PRH1: variants seen among roughly 807,000 people sequenced by gnomAD.
PRH1 encodes the protein salivary acidic proline-rich phosphoprotein 1/2.
Under a neutral mutation model 7.9 loss-of-function variants are expected in PRH1, and 7 were observed. The ratio of observed to expected loss-of-function variants is 0.89; its 90% CI spans 0.50 to 1.67. The LOEUF (loss-of-function observed/expected upper bound fraction) is 1.67, where lower values mean the gene tolerates loss of function less well. PRH1 is among the 40% of genes most tolerant of loss of function. The pLI is 0.00. For synonymous variants in PRH1, 45 were observed against 80.8 expected (o/e 0.56, Z 2.38); for missense variants, 109 against 223.6 (o/e 0.49, Z 3.27).
chr12:11,089,026 T>G (rs1381168350), intron 1 of PRH1, among the ~76,000 whole-genome samples: 1 of 115,990 alleles, frequency 8.6e-6, no homozygotes, highest in African/African-American at 2.9e-5. Flanking sequence ...CCTATGCAAC[T>G]GTGGACGTCA....
At chr12:10,891,026 C>A (rs1188290767) in intron 2 of PRH1, among the ~76,000 whole-genome samples, 5 of 152,102 alleles carry the variant, frequency 3.3e-5, no homozygotes, top group African/African-American at 1.2e-4. Context: ...AGTCCCTACT[C>A]TCCTTGAAGC....
At chr12:11,039,548 T>A (rs1417277249) in intron 1 of PRH1, among the ~76,000 whole-genome samples, 1 of 152,260 alleles carries the variant, frequency 6.6e-6, no homozygotes, top group Non-Finnish European at 1.5e-5. Flanking sequence ...AAACTCTCCA[T>A]AATTTGTGTT....
At chr12:11,015,513 C>G (rs1465130348) in intron 1 of PRH1, among the ~76,000 whole-genome samples, 2 of 152,160 alleles carry the variant, frequency 1.3e-5, no homozygotes, top group Non-Finnish European at 2.9e-5. Context: ...CTTGAAGTTG[C>G]TGCAGACTCG....
intron 1 of PRH1, among the ~76,000 whole-genome samples, chr12:11,042,317 T>C (rs1942738270): frequency 6.6e-6 from 1 of 151,862 alleles, no homozygotes. Flanking sequence ...AAAGAAATAT[T>C]AGTGACTAGT....
intron 2 of PRH1, among the ~76,000 whole-genome samples, chr12:10,972,346 T>G (rs1278357511): frequency 6.6e-6 from 1 of 152,170 alleles, no homozygotes; most frequent in Non-Finnish European, 1.5e-5. Flanking sequence ...CTAATATTTT[T>G]GATGCTTTTA....
intron 1 of PRH1, among the ~76,000 whole-genome samples, chr12:11,072,251 TTCC>T (rs1944105595): frequency 6.6e-6 from 1 of 151,382 alleles, no homozygotes; most frequent in African/African-American, 2.4e-5. Context: ...CCTACCAAAG[TTCC>T]GGGATTGCAA....
chr12:11,045,413 A>C (rs1348405623), intron 1 of PRH1, among the ~76,000 whole-genome samples: 2 of 152,252 alleles, frequency 1.3e-5, no homozygotes, highest in South Asian at 2.1e-4. Flanking sequence ...TACATTTTAA[A>C]ATGACTGAAA....
At chr12:11,120,196 T>C (rs1356219079), downstream of PRH1, among the ~76,000 whole-genome samples, 7 of 152,156 alleles carry the variant, frequency 4.6e-5, no homozygotes, top group African/African-American at 1.4e-4. Flanking sequence ...TGAAAGGTAA[T>C]GGAATGTAGT....
intron 1 of PRH1, among the ~76,000 whole-genome samples, chr12:11,109,218 G>C (rs764698427): frequency 1.3e-5 from 2 of 152,182 alleles, no homozygotes; most frequent in East Asian, 1.9e-4. Context: ...GAGCACCTGG[G>C]AGAAGGGGCA....
At chr12:10,971,491 A>C (rs1381324292) in intron 2 of PRH1, among the ~76,000 whole-genome samples, 1 of 151,864 alleles carries the variant, frequency 6.6e-6, no homozygotes, top group East Asian at 1.9e-4. Flanking sequence ...GTATGCCATA[A>C]TTTATTTATC....
chr12:11,030,131 A>T lies in PRH1; in HGVS notation c.-126+16889T>A, dbSNP rs187698497. Among the ~76,000 whole-genome samples, 600 of 152,398 alleles carry T rather than the reference A, an allele frequency of 3.9e-3. 1 individual carries two copies. The highest frequency in any genetic ancestry group is 0.014 in the African/African-American group (566 of 41,590). ...ATACATGGCTTCAAAATTCTAAGAAATTTTTGTCATATTTTGTATAATTTG... is the reference window on the plus strand; with the variant it reads ...ATACATGGCTTCAAAATTCTAAGAATTTTTTGTCATATTTTGTATAATTTG... On this transcript the variant is annotated intron_variant, in intron 1 of 3. Transcript: ENST00000539853.
intron 2 of PRH1, among the ~76,000 whole-genome samples, chr12:10,919,867 C>A (rs1950022082): frequency 1.3e-5 from 2 of 149,226 alleles, no homozygotes; most frequent in Non-Finnish European, 3.0e-5. Context: ...GAGACACGGT[C>A]TTGCTCTGTC....
intron 2 of PRH1, among the ~76,000 whole-genome samples, chr12:10,928,568 T>C (rs1950155591): frequency 1.3e-5 from 2 of 152,210 alleles, no homozygotes; most frequent in African/African-American, 4.8e-5. Flanking sequence ...ATTTTTTAGC[T>C]TTCCTGTATT....
At chr12:10,924,424 T>C (rs943554217) in intron 2 of PRH1, among the ~76,000 whole-genome samples, 9 of 152,254 alleles carry the variant, frequency 5.9e-5, no homozygotes, top group Non-Finnish European at 1.3e-4. Context: ...TCTCTCATTG[T>C]GGTATTTCAT....
intron 1 of PRH1, among the ~76,000 whole-genome samples, chr12:11,102,952 C>T (rs1049111917): frequency 1.8e-4 from 28 of 152,284 alleles, no homozygotes; most frequent in Admixed American, 1.4e-3. Context: ...TGCTCATCAT[C>T]GCTGGCCATC....
At chr12:10,972,928 A>AACCC (rs1555119295) in intron 2 of PRH1, among the ~76,000 whole-genome samples, 1 of 100,326 alleles carries the variant, frequency 1.0e-5, no homozygotes, top group Non-Finnish European at 2.1e-5. Context: ...AAGCACCACA[A>AACCC]CCCACCCCCC....
rs147094226 is a variant in PRH1, at chr12:11,080,010, A to C, written n.124-32822T>G. On this transcript the variant is annotated intron_variant and non_coding_transcript_variant, in intron 1 of 4. Coordinates refer to the PRH1 transcript ENST00000541977. Reference sequence around the variant, plus strand: ...GCAATGTGTCATAAACACTCATGTAACCTTCATGTAGGGCAAGACATGGAA... The same window carrying C: ...GCAATGTGTCATAAACACTCATGTACCCTTCATGTAGGGCAAGACATGGAA... Among the ~76,000 whole-genome samples, 691 of 139,670 alleles carry C rather than the reference A, an allele frequency of 4.9e-3. 44 individuals carry two copies. The highest frequency in any genetic ancestry group is 0.016 in the African/African-American group (629 of 38,962). The allele number at this position is 139,670 out of a possible 152,430, so 91.6% of individuals were successfully genotyped here.
chr12:11,161,529 G>A (rs1297910955), intron 1 of PRH1, among the ~76,000 whole-genome samples: 1 of 152,168 alleles, frequency 6.6e-6, no homozygotes, highest in Non-Finnish European at 1.5e-5. Flanking sequence ...AGTGGTTGAT[G>A]AAAGTCAAAA....
chr12:11,117,396 T>C (rs1353269026), downstream of PRH1, among the ~76,000 whole-genome samples: 2 of 151,888 alleles, frequency 1.3e-5, no homozygotes, highest in African/African-American at 2.4e-5. Context: ...TATAAAACTC[T>C]AATGAAAGAA....
Sources: gnomAD v4.1 joint callset for allele counts (sites outside exome capture counted in the v4.1 genomes callset) on GRCh38, gnomAD v4.1.1 for gene constraint, MANE v1.5 for transcripts, NCBI Gene and HGNC (gene_info 2026-07-23, HGNC 2026-07-21) for gene names.